The following RUVBL1 variants were observed in gnomAD, a reference collection of about 807,000 sequenced individuals.
RUVBL1 encodes the protein RuvB like AAA ATPase 1.
A neutral mutation model predicts 52.4 loss-of-function variants in RUVBL1; 4 were observed. That is an observed-to-expected ratio of 0.08 (90% CI 0.04 to 0.17). The LOEUF is 0.17. Ranked by LOEUF, RUVBL1 falls within the 10% of genes least tolerant of loss-of-function variation. The probability of loss-of-function intolerance (pLI) is 1.00; values close to 1 mark genes in which losing one functional copy is unlikely to be tolerated. For synonymous variants in RUVBL1, 217 were observed against 214.4 expected (o/e 1.01, Z -0.10); for missense variants, 298 against 572.8 (o/e 0.52, Z 4.90).
downstream of RUVBL1, among the ~76,000 whole-genome samples, chr3:128,076,803 C>A (rs1213159889): frequency 6.6e-6 from 1 of 152,146 alleles, no homozygotes; most frequent in East Asian, 1.9e-4. This position sits in a 1 kb window ranked among gnomAD's most constrained non-coding sequence, Gnocchi z 6.8. Flanking sequence ...CATGCGGCTC[C>A]AGTGTAAGTG....
intron 8 of RUVBL1, among the ~76,000 whole-genome samples, chr3:128,093,801 C>A (rs952116934): frequency 6.6e-6 from 1 of 152,174 alleles, no homozygotes; most frequent in Non-Finnish European, 1.5e-5. Context: ...CCCTGTCATC[C>A]ATGGATGGAC....
At chr3:128,089,607 ATGAC>A (rs1942767258) in intron 8 of RUVBL1, among the ~76,000 whole-genome samples, 1 of 152,250 alleles carries the variant, frequency 6.6e-6, no homozygotes, top group African/African-American at 2.4e-5. Flanking sequence ...ATGCATATTT[ATGAC>A]TGCAAAAATA....
rs189218633 is a variant in RUVBL1 at position 128,088,183 on chromosome 3, A to G, written c.1017-375T>C. Reference sequence around the variant, plus strand: ...AGGCTGAGGCATGAGAATCACCTGAACTCGTGAGGCAGATGTTGCAGTGAG... The same window carrying G: ...AGGCTGAGGCATGAGAATCACCTGAGCTCGTGAGGCAGATGTTGCAGTGAG... On this transcript the variant is annotated intron_variant, in intron 8 of 10. Coordinates refer to ENST00000322623, the MANE Select transcript of RUVBL1 (RefSeq NM_003707.3). Among the ~76,000 whole-genome samples, 304 of 151,458 alleles carry G rather than the reference A, an allele frequency of 2.0e-3. 1 individual carries two copies. The highest frequency in any genetic ancestry group is 6.6e-3 in the African/African-American group (274 of 41,218).
chr3:128,109,803 CTG>C (rs1943334252), intron 3 of RUVBL1, among the ~76,000 whole-genome samples: 1 of 122,230 alleles, frequency 8.2e-6, no homozygotes, highest in African/African-American at 3.2e-5. Context: ...CCTGGCCTCT[CTG>C]TAAATTTTTT....
chr3:128,076,945 G>T (rs1009243923), downstream of RUVBL1, among the ~76,000 whole-genome samples: 1 of 152,146 alleles, frequency 6.6e-6, no homozygotes, highest in Non-Finnish European at 1.5e-5. This position sits in a 1 kb window ranked among gnomAD's most constrained non-coding sequence, Gnocchi z 6.8. Flanking sequence ...TGACGGCGCT[G>T]ATCTGCGTGC....
chr3:128,153,360 T>A (rs1944284733), exon 1 of RUVBL1: 2 of 1,383,764 alleles, frequency 1.4e-6, no homozygotes, highest in Non-Finnish European at 1.9e-6. Flanking sequence ...GCTGTGCCCG[T>A]GAGCCTCAGG....
At chr3:128,112,555 A>G (rs1347656143) in intron 3 of RUVBL1, among the ~76,000 whole-genome samples, 1 of 152,158 alleles carries the variant, frequency 6.6e-6, no homozygotes, top group African/African-American at 2.4e-5. Context: ...GCTTGAGTCC[A>G]AAACCTTTTC....
At chr3:128,088,124 T>C (rs1942707876) in intron 8 of RUVBL1, among the ~76,000 whole-genome samples, 1 of 152,044 alleles carries the variant, frequency 6.6e-6, no homozygotes, top group African/African-American at 2.4e-5. Flanking sequence ...TAGCTGGGCA[T>C]GGTGGTGCAC....
intron 9 of RUVBL1, among the ~76,000 whole-genome samples, chr3:128,087,271 C>T (rs75606707): frequency 0.011 from 1,626 of 152,344 alleles, 34 homozygotes; most frequent in African/African-American, 0.036. Flanking sequence ...GGTGGAACAG[C>T]GAGCCTGGCC....
intron 9 of RUVBL1, chr3:128,075,114 A>C (rs1044394298): frequency 2.0e-5 from 3 of 152,178 alleles, no homozygotes; most frequent in African/African-American, 7.2e-5. Context: ...TACCAGGTGG[A>C]TGCATGGAGT....
At chr3:128,113,108 G>C in intron 2 of RUVBL1, 88 bp from the exon 3 acceptor site, 1 of 1,423,706 alleles carries the variant, frequency 7.0e-7, no homozygotes, top group South Asian at 1.3e-5. Flanking sequence ...CAGGAACTAG[G>C]AACAGCTGAA....
chr3:128,092,692 G>A (rs1017308553), intron 8 of RUVBL1, among the ~76,000 whole-genome samples: 13 of 152,132 alleles, frequency 8.5e-5, no homozygotes, highest in African/African-American at 3.1e-4. Flanking sequence ...TAATCAAAAA[G>A]ACAGACAAGT....
At chr3:128,068,782 G>A (rs558033367) in intron 9 of RUVBL1, 2 of 152,646 alleles carry the variant, frequency 1.3e-5, no homozygotes, top group African/African-American at 2.4e-5. Flanking sequence ...ACAGTCCTCA[G>A]TACAACTACT....
chr3:128,077,384 G>T (rs1942366953), downstream of RUVBL1, among the ~76,000 whole-genome samples: 1 of 152,244 alleles, frequency 6.6e-6, no homozygotes, highest in African/African-American at 2.4e-5. Flanking sequence ...AAATGGAAGG[G>T]GAGTGGCTGC....
upstream of RUVBL1, chr3:128,123,979 C>G (rs1943724153): frequency 1.1e-6 from 1 of 922,726 alleles, no homozygotes; most frequent in South Asian, 5.0e-5. Context: ...CCGGCGCTTC[C>G]TGCCGAGGCT....
chr3:128,072,286 C>T (rs894536208), intron 9 of RUVBL1, among the ~76,000 whole-genome samples: 9 of 152,236 alleles, frequency 5.9e-5, no homozygotes, highest in African/African-American at 2.2e-4. Context: ...CCGCCGTCCC[C>T]ACCACCTGGG....
At chr3:128,125,707 C>A (rs1278574644), upstream of RUVBL1, among the ~76,000 whole-genome samples, 1 of 152,198 alleles carries the variant, frequency 6.6e-6, no homozygotes, top group African/African-American at 2.4e-5. Flanking sequence ...AGAACAGAGG[C>A]CAGGCCTTGG....
chr3:128,120,959 C>T lies in RUVBL1; in HGVS notation c.142-1545G>A, dbSNP rs1375326212. On this transcript the variant is annotated intron_variant, in intron 1 of 10. Transcript: ENST00000322623. ...TGGCGCCACTGCACTCCAGCCTGGG[C>T]GACAGAGCGAGACTCCCTCTCAAAA... Among the ~76,000 whole-genome samples, 5 of 147,940 alleles carry T rather than the reference C, an allele frequency of 3.4e-5. No individual in the cohort carries two copies. In the South Asian group the frequency reaches 6.5e-4, roughly 19 times the overall value.
rs544703941 is a variant in RUVBL1, at chr3:128,133,521, C to G, written c.-39-14107G>C. On this transcript the variant is annotated intron_variant, in intron 1 of 9. Transcript: ENST00000464873. ...CAGAGGTGCTTGTATCATCCCTCCC[C>G]CAGCTTCAGACAGCTTATCAGAGAG... Among the ~76,000 whole-genome samples, 4 of 151,310 alleles carry G rather than the reference C, an allele frequency of 2.6e-5. No homozygotes were observed. In the South Asian group the frequency reaches 6.3e-4, roughly 24 times the overall value.
Sources: gnomAD v4.1 joint callset for allele counts (sites outside exome capture counted in the v4.1 genomes callset) on GRCh38, gnomAD v4.1.1 for gene constraint, Gnocchi (gnomAD v3.1) non-coding constraint, MANE v1.5 for transcripts, NCBI Gene and HGNC (gene_info 2026-07-23, HGNC 2026-07-21) for gene names.